SLC24A4: variants seen among roughly 807,000 people sequenced by gnomAD.
SLC24A4 encodes the protein sodium/potassium/calcium exchanger 4.
In SLC24A4, 53 loss-of-function variants were observed where a neutral mutation model predicts 79.0. The ratio of observed to expected loss-of-function variants is 0.67; its 90% CI spans 0.54 to 0.84. The LOEUF is 0.84. SLC24A4 is among the 40% of genes least tolerant of loss of function. The pLI, the probability that SLC24A4 is intolerant of heterozygous loss-of-function variation, is 0.00. For missense variants in SLC24A4, 731 were observed against 822.0 expected (o/e 0.89, Z 1.35); for synonymous variants, 323 against 323.8 (o/e 1.00, Z 0.03).
intron 12 of SLC24A4, among the ~76,000 whole-genome samples, chr14:92,467,728 T>C (rs7155002): frequency 0.57 from 85,899 of 152,002 alleles, 25,272 homozygotes; most frequent in Non-Finnish European, 0.65. Context: ...GGACCATGTA[T>C]CAGGGTCCTG....
rs539333365 is a variant in SLC24A4 at position 92,447,550 on chromosome 14, T to C, written c.737+126T>C. Reference sequence around the variant, plus strand: ...TCCTTTTAGGCCAGCCCCAGCTCTCTGGTAGACACCCTGCTGGGGGACAGC... The same window carrying C: ...TCCTTTTAGGCCAGCCCCAGCTCTCCGGTAGACACCCTGCTGGGGGACAGC... On this transcript the variant is annotated intron_variant, in intron 9 of 16. Transcript: ENST00000532405. The C allele has an allele frequency of 6.6e-5, 58 of 883,984 alleles. No individual in the cohort carries two copies. The African/African-American group carries it at 9.1e-4, about 14-fold the overall frequency. The allele number at this position is 883,984 out of a possible 1,614,324, so 54.8% of individuals were successfully genotyped here.
intron 2 of SLC24A4, among the ~76,000 whole-genome samples, chr14:92,358,766 C>T (rs992997514): frequency 8.7e-5 from 13 of 149,058 alleles, no homozygotes; most frequent in Non-Finnish European, 1.3e-4. Flanking sequence ...CTCACTGCAA[C>T]GTCTGCCTCC....
At chr14:92,429,208 T>G (rs540308050) in intron 2 of SLC24A4, among the ~76,000 whole-genome samples, 2 of 151,644 alleles carry the variant, frequency 1.3e-5, no homozygotes, top group South Asian at 2.1e-4. Flanking sequence ...CAACCAGGAG[T>G]AGGGGTGCAG....
At chr14:92,378,774 G>T (rs1888661076) in intron 2 of SLC24A4, among the ~76,000 whole-genome samples, 1 of 152,196 alleles carries the variant, frequency 6.6e-6, no homozygotes, top group Non-Finnish European at 1.5e-5. Context: ...AATGAGCCAG[G>T]CACGGTGGCA....
chr14:92,450,641 CGGTCCCCACACACAGCCT>C (rs1432470702), intron 10 of SLC24A4: 3 of 152,288 alleles, frequency 2.0e-5, no homozygotes, highest in East Asian at 3.9e-4. Flanking sequence ...GGCCCCGAGA[CGGTCCCCACACACAGCCT>C]GGTCCCCACA....
chr14:92,454,039 A>G lies in SLC24A4; in HGVS notation c.1020A>G (p.Leu340=), dbSNP rs763763823. The G allele has an allele frequency of 1.1e-5, 17 of 1,613,376 alleles. No homozygotes were observed. The highest frequency in any genetic ancestry group is 1.4e-5 in the Non-Finnish European group (17 of 1,179,652). Residue 340 remains leucine (L), a synonymous_variant, in exon 11 of 17, where the codon CTA becomes CTG. Coordinates refer to ENST00000532405, the MANE Select transcript of SLC24A4 (RefSeq NM_153646.4). ...ITNKFGPRTR[L]RMASRIIINE... ...ATAAGTTTGGACCCAGGACCCGACTACGGATGGCCAGCAGGATCATCATTA... is the reference window on the plus strand; with the variant it reads ...ATAAGTTTGGACCCAGGACCCGACTGCGGATGGCCAGCAGGATCATCATTA...
intron 2 of SLC24A4, among the ~76,000 whole-genome samples, chr14:92,403,835 C>T (rs1261598727): frequency 6.7e-6 from 1 of 150,266 alleles, no homozygotes. Flanking sequence ...CTGCCCCTCC[C>T]CCCCACCCTG....
At chr14:92,424,570 A>G (rs1014381084) in intron 2 of SLC24A4, among the ~76,000 whole-genome samples, 1 of 152,056 alleles carries the variant, frequency 6.6e-6, no homozygotes, top group Non-Finnish European at 1.5e-5. Flanking sequence ...TCTGTTTAAC[A>G]ATCAGCTCTG....
upstream of SLC24A4, chr14:92,322,657 A>T (rs1460734188): frequency 2.6e-5 from 4 of 152,768 alleles, no homozygotes; most frequent in African/African-American, 9.7e-5. Context: ...GGCCTCGCAG[A>T]TCCCCAACAG....
chr14:92,430,925 G>T (rs1430704129), intron 2 of SLC24A4, among the ~76,000 whole-genome samples: 11 of 152,232 alleles, frequency 7.2e-5, no homozygotes, highest in Admixed American at 7.2e-4. Context: ...TGAGCAGACA[G>T]AGCAGGCTCA....
chr14:92,329,534 T>A (rs1885349095), intron 2 of SLC24A4, among the ~76,000 whole-genome samples: 1 of 152,204 alleles, frequency 6.6e-6, no homozygotes, highest in Non-Finnish European at 1.5e-5. Context: ...TTTGTTTGTT[T>A]GTTTTTGTTT....
At chr14:92,362,179 C>A (rs1349628523) in intron 2 of SLC24A4, among the ~76,000 whole-genome samples, 1 of 150,940 alleles carries the variant, frequency 6.6e-6, no homozygotes, top group African/African-American at 2.4e-5. Flanking sequence ...CTGTCTAACC[C>A]CGGCCTGAAT....
chr14:92,387,528 C>A (rs935431605), intron 2 of SLC24A4, among the ~76,000 whole-genome samples: 1 of 152,104 alleles, frequency 6.6e-6, no homozygotes, highest in South Asian at 2.1e-4. Context: ...GGTGACCATA[C>A]GTCATCTACT....
chr14:92,338,065 C>T (rs927555247), intron 2 of SLC24A4, among the ~76,000 whole-genome samples: 6 of 152,314 alleles, frequency 3.9e-5, no homozygotes, highest in Non-Finnish European at 8.8e-5. Flanking sequence ...GTTGACCCTT[C>T]ACATGGCTGA....
intron 2 of SLC24A4, among the ~76,000 whole-genome samples, chr14:92,394,869 G>A (rs1889679180): frequency 6.6e-6 from 1 of 152,012 alleles, no homozygotes; most frequent in Admixed American, 6.5e-5. Flanking sequence ...AGGAGAGGAA[G>A]TAAATGATAT....
intron 2 of SLC24A4, among the ~76,000 whole-genome samples, chr14:92,327,487 G>A (rs928380727): frequency 1.3e-5 from 2 of 152,242 alleles, no homozygotes; most frequent in African/African-American, 4.8e-5. Context: ...GGTTAATGCT[G>A]GGGGCCGTTC....
rs1377729000 is a variant in SLC24A4, at chr14:92,441,244, G to T, written c.394-845G>T. On this transcript the variant is annotated intron_variant, in intron 4 of 16. Coordinates refer to ENST00000532405, the MANE Select transcript of SLC24A4 (RefSeq NM_153646.4). This position sits in a 1 kb window ranked among gnomAD's most constrained non-coding sequence, Gnocchi z 4.6. ...GCCTTCTGAGAACCGCAGAGTGGGCGCCTCCAGATTGGTTTTCAGGCAGAC... is the reference window on the plus strand; with the variant it reads ...GCCTTCTGAGAACCGCAGAGTGGGCTCCTCCAGATTGGTTTTCAGGCAGAC... 2.0e-5 allele frequency among the ~76,000 whole-genome samples: 3 copies of T among 152,138 alleles called. No homozygotes were observed. The highest frequency in any genetic ancestry group is 2.9e-5 in the Non-Finnish European group (2 of 68,014).
intron 12 of SLC24A4, among the ~76,000 whole-genome samples, chr14:92,472,393 T>A (rs892259746): frequency 5.3e-5 from 8 of 152,172 alleles, no homozygotes; most frequent in African/African-American, 1.9e-4. Context: ...CTTTTATCCC[T>A]CACCCCTTCC....
chr14:92,484,931 C>G, intron 13 of SLC24A4: 2 of 958,650 alleles, frequency 2.1e-6, no homozygotes, highest in Non-Finnish European at 2.5e-6. Context: ...TAGTGCCCTT[C>G]TTGTGTCGAG....
Sources: allele counts gnomAD v4.1 joint callset (sites outside exome capture counted in the v4.1 genomes callset), GRCh38; gene constraint gnomAD v4.1.1; non-coding constraint Gnocchi (gnomAD v3.1); transcripts MANE v1.5; gene names NCBI Gene and HGNC (gene_info 2026-07-23, HGNC 2026-07-21).